The following EPHB2 variants were observed in gnomAD, a reference collection of about 807,000 sequenced individuals.
The protein encoded by EPHB2 is ephrin type-B receptor 2.
EPHB2 carries 18 observed loss-of-function variants against 96.4 expected under a neutral mutation model. The ratio of observed to expected loss-of-function variants is 0.19; its 90% CI spans 0.13 to 0.28. The LOEUF (loss-of-function observed/expected upper bound fraction) is 0.28, where lower values mean the gene tolerates loss of function less well. Among genes scored for constraint, EPHB2 ranks in the 10% least tolerant of loss-of-function variants. EPHB2 has a pLI of 1.00. For synonymous variants in EPHB2, 506 were observed against 534.1 expected (o/e 0.95, Z 0.72); for missense variants, 989 against 1,355.4 (o/e 0.73, Z 4.25).
rs141337057 is a variant in EPHB2, at chr1:22,892,553, G to A, written c.1429-331G>A. Among the ~76,000 whole-genome samples, 13 of 152,272 alleles carry A rather than the reference G, an allele frequency of 8.5e-5. No homozygotes were observed. The East Asian group carries it at 2.5e-3, about 29-fold the overall frequency. On this transcript the variant is annotated intron_variant, in intron 6 of 15. Coordinates refer to ENST00000374630, the MANE Select transcript of EPHB2 (RefSeq NM_017449.5). ...CCCAGTGCAAGTTCCTCTCATGGCA[G>A]AAGCACAAGAGGCCAAGACAAATTG...
In EPHB2 at chr1:22,882,380, T is replaced by C. The variant is rs1053225182; in HGVS notation, c.1325T>C (p.Met442Thr). Residue 442 changes from methionine (M) to threonine (T), a missense_variant, in exon 6 of 16, where the codon ATG becomes ACG. Met to Thr is a moderately conservative substitution (Grantham distance 81). Transcript: ENST00000374630. ...CCAGCTCCATCGGCAGTGTCCATCA[T>C]GCATCAGGTGAGCCGCACCGTGGAC... is the stretch of plus-strand genomic sequence containing the variant. The part of the protein sequence containing the change: ...NQAAPSAVSI[M>T]HQVSRTVDSI... 5.6e-6 allele frequency: 9 copies of C among 1,613,968 alleles called. No individual in the cohort carries two copies. Among genetic ancestry groups the C allele is most frequent in the South Asian group, 1.1e-5 (1 of 91,076 alleles).
At chr1:22,729,815 C>A (rs1367338485) in intron 1 of EPHB2, among the ~76,000 whole-genome samples, 1 of 152,248 alleles carries the variant, frequency 6.6e-6, no homozygotes, top group Non-Finnish European at 1.5e-5. Flanking sequence ...AGGGCAGGGA[C>A]CATGATCCAA....
intron 3 of EPHB2, among the ~76,000 whole-genome samples, chr1:22,807,629 C>T (rs1570315125): frequency 6.6e-6 from 1 of 152,210 alleles, no homozygotes; most frequent in East Asian, 1.9e-4. Context: ...CCAGATGCTC[C>T]CAGTAAAGGG....
intron 1 of EPHB2, among the ~76,000 whole-genome samples, chr1:22,721,518 A>G (rs1643466095): frequency 6.6e-6 from 1 of 152,214 alleles, no homozygotes; most frequent in Non-Finnish European, 1.5e-5. Context: ...GCGCATGTCC[A>G]GTCTAAAAAA....
In EPHB2 at chr1:22,781,446, G is replaced by A. The variant is rs747830595; in HGVS notation, c.87G>A (p.Ala29=). The change falls in exon 2 of 16, where the codon GCG becomes GCA. Residue 29 remains alanine (A), a synonymous_variant. Coordinates refer to ENST00000374630, the MANE Select transcript of EPHB2 (RefSeq NM_017449.5). ...AAACGCTAATGGACTCCACTACAGC[G>A]ACTGCTGAGCTGGGCTGGATGGTGC... is the stretch of plus-strand genomic sequence containing the variant. The part of the protein sequence containing the change: ...VEETLMDSTT[A]TAELGWMVHP... 5 of 1,614,044 alleles carry A rather than the reference G, an allele frequency of 3.1e-6. No homozygotes were observed. The South Asian group carries it at 3.3e-5, about 11-fold the overall frequency.
chr1:22,784,506 C>G lies in EPHB2; in HGVS notation c.241C>G (p.Arg81Gly). The change falls in exon 3 of 16, where the codon CGT (arginine) becomes GGT (glycine). Residue 81 changes from arginine (R) to glycine (G), a missense_variant. Physicochemically the swap from Arg to Gly is moderately radical, Grantham distance 125. Coordinates refer to ENST00000374630, the MANE Select transcript of EPHB2 (RefSeq NM_017449.5). The surrounding 1 kb of genome is among the most constrained non-coding windows in gnomAD (Gnocchi z 5.1). ...NWLRTKFIRRRGAHRIHVEMK... is the reference protein window; with the variant it reads ...NWLRTKFIRRGGAHRIHVEMK... The stretch of plus-strand genomic sequence containing the variant: ...GCTACGGACCAAGTTTATCCGGCGC[C>G]GTGGCGCCCACCGCATCCACGTGGA... The G allele has an allele frequency of 6.2e-7, 1 of 1,613,676 alleles. No individual in the cohort carries two copies.
chr1:22,909,264 T>C, intron 13 of EPHB2, 93 bp downstream of exon 13: 1 of 1,594,434 alleles, frequency 6.3e-7, no homozygotes, highest in Non-Finnish European at 8.6e-7. Flanking sequence ...TCTCCCAGAG[T>C]GTGGGACATA....
chr1:22,864,491 T>C (rs1162718047), intron 4 of EPHB2, among the ~76,000 whole-genome samples: 1 of 152,234 alleles, frequency 6.6e-6, no homozygotes, highest in Non-Finnish European at 1.5e-5. Flanking sequence ...CAACAACTTC[T>C]GCTCTATATC....
intron 3 of EPHB2, among the ~76,000 whole-genome samples, chr1:22,837,586 A>G (rs1287740967): frequency 2.0e-5 from 3 of 152,226 alleles, no homozygotes; most frequent in Non-Finnish European, 4.4e-5. Flanking sequence ...CTAGGCGTGT[A>G]TGAAGCAAGG....
At chr1:22,783,780 C>T (rs1644568876) in intron 2 of EPHB2, among the ~76,000 whole-genome samples, 1 of 152,140 alleles carries the variant, frequency 6.6e-6, no homozygotes, top group Admixed American at 6.5e-5. Flanking sequence ...GTACTCTCCC[C>T]AGGCAGGAAG....
In EPHB2 at chr1:22,733,078, C is replaced by G. The variant is rs115817364; in HGVS notation, c.61+22035C>G. 6.6e-6 allele frequency among the ~76,000 whole-genome samples: 1 copy of G among 151,510 alleles called. No individual in the cohort carries two copies. Among genetic ancestry groups the G allele is most frequent in the Admixed American group, 6.6e-5 (1 of 15,186 alleles). On this transcript the variant is annotated intron_variant, in intron 1 of 15. Coordinates refer to ENST00000374630, the MANE Select transcript of EPHB2 (RefSeq NM_017449.5). The surrounding 1 kb of genome is among the most constrained non-coding windows in gnomAD (Gnocchi z 4.6). ...CTTTCTTTCTTTTTTTTTGGAGTTT[C>G]GCTCTTGTCGCCCAGACTGGAATGC...
chr1:22,800,180 A>T (rs1364609215), intron 3 of EPHB2: 1 of 152,302 alleles, frequency 6.6e-6, no homozygotes, highest in Non-Finnish European at 1.5e-5. Flanking sequence ...CCCTGTACGC[A>T]TGCGTGTGCG....
intron 3 of EPHB2, among the ~76,000 whole-genome samples, chr1:22,788,644 G>T (rs1026544018): frequency 6.6e-6 from 1 of 152,110 alleles, no homozygotes; most frequent in Admixed American, 6.5e-5. Context: ...TAAAGTGCAG[G>T]TTTCTGGGTC....
rs183102639 is a variant in EPHB2 at position 22,817,683 on chromosome 1, A to G, written c.811+32607A>G. 2.0e-5 allele frequency among the ~76,000 whole-genome samples: 3 copies of G among 152,244 alleles called. 1 individual carries two copies. Among genetic ancestry groups the G allele is most frequent in the Admixed American group, 2.0e-4 (3 of 15,298 alleles). On this transcript the variant is annotated intron_variant, in intron 3 of 15. Coordinates refer to ENST00000374630, the MANE Select transcript of EPHB2 (RefSeq NM_017449.5). ...ACCTAGCAGATGCCCATGCTCCCTC[A>G]TTCTTCTAGAGCTCAGAGCAGGCAG...
At chr1:22,727,837 T>C (rs1643618677) in intron 1 of EPHB2, among the ~76,000 whole-genome samples, 1 of 148,342 alleles carries the variant, frequency 6.7e-6, no homozygotes, top group South Asian at 2.2e-4. Context: ...AGATGGGGTC[T>C]CCTCTGTATT....
chr1:22,833,082 G>A (rs1195492764), intron 3 of EPHB2, among the ~76,000 whole-genome samples: 5 of 151,726 alleles, frequency 3.3e-5, no homozygotes, highest in Admixed American at 2.6e-4. Flanking sequence ...AAATCCTTGG[G>A]TGACTTGGTT....
intron 6 of EPHB2, among the ~76,000 whole-genome samples, chr1:22,883,813 AG>A (rs1424238324): frequency 6.6e-6 from 1 of 152,140 alleles, no homozygotes; most frequent in Non-Finnish European, 1.5e-5. Flanking sequence ...GCATTCCAAG[AG>A]GTCAGGGGCT....
intron 1 of EPHB2, among the ~76,000 whole-genome samples, chr1:22,736,006 T>C (rs1643819653): frequency 6.6e-6 from 1 of 152,230 alleles, no homozygotes; most frequent in Non-Finnish European, 1.5e-5. Context: ...TGACTTTCGA[T>C]AGGCTCTTTT....
At chr1:22,908,753 T>C (rs1639997025) in intron 12 of EPHB2, among the ~76,000 whole-genome samples, 1 of 152,090 alleles carries the variant, frequency 6.6e-6, no homozygotes, top group Non-Finnish European at 1.5e-5. Flanking sequence ...AGCTGTGGGA[T>C]TGAGGGCAGC....
Sources: allele counts gnomAD v4.1 joint callset (sites outside exome capture counted in the v4.1 genomes callset), GRCh38; gene constraint gnomAD v4.1.1; non-coding constraint Gnocchi (gnomAD v3.1); transcripts MANE v1.5; gene names NCBI Gene and HGNC (gene_info 2026-07-23, HGNC 2026-07-21).